TMEM260: variants seen among roughly 807,000 people sequenced by gnomAD.
The protein encoded by TMEM260 is transmembrane protein 260, also known as protein O-mannosyl-transferase TMEM260.
In TMEM260, 82 loss-of-function variants were observed where a neutral mutation model predicts 88.9. The ratio of observed to expected loss-of-function variants is 0.92; its 90% CI spans 0.77 to 1.11. The LOEUF (loss-of-function observed/expected upper bound fraction) is 1.11, where lower values mean the gene tolerates loss of function less well. TMEM260 is among the 50% of genes least tolerant of loss of function. The pLI is 0.00. For synonymous variants in TMEM260, 314 were observed against 309.3 expected, an observed-to-expected ratio of 1.02 and a Z score of -0.16; for missense variants, 902 against 853.4, an observed-to-expected ratio of 1.06 and a Z score of -0.71.
At chr14:56,627,888 T>G (rs1888337112) in intron 12 of TMEM260, among the ~76,000 whole-genome samples, 1 of 152,230 alleles carries the variant, frequency 6.6e-6, no homozygotes, top group South Asian at 2.1e-4. Flanking sequence ...TAAATTTTCT[T>G]GTGCTGCTCC....
At chr14:56,610,539 G>T (rs1253500396) in intron 6 of TMEM260, among the ~76,000 whole-genome samples, 2 of 152,154 alleles carry the variant, frequency 1.3e-5, no homozygotes, top group African/African-American at 4.8e-5. Context: ...ACCGCGCCCG[G>T]CCAGTGAGGT....
intron 15 of TMEM260, among the ~76,000 whole-genome samples, chr14:56,641,554 C>CA (rs1047369524): frequency 5.3e-5 from 8 of 152,180 alleles, no homozygotes; most frequent in Non-Finnish European, 7.3e-5. Context: ...CCAGCCACTG[C>CA]AAAAACATGC....
In TMEM260 at chr14:56,585,851, A is replaced by C; in HGVS notation, c.283A>C (p.Asn95His). 3 of 1,613,296 alleles carry C rather than the reference A, an allele frequency of 1.9e-6. No homozygotes were observed. The highest frequency in any genetic ancestry group is 2.2e-5 in the East Asian group (1 of 44,852). The part of the protein sequence containing the change: ...FPFGSIAYRV[N>H]LLCGLFGAVA... Reference sequence around the variant, plus strand: ...TTTTGGTTCAATTGCCTACCGCGTCAATCTTCTCTGTGGCTTATTTGGAGC... The same window carrying C: ...TTTTGGTTCAATTGCCTACCGCGTCCATCTTCTCTGTGGCTTATTTGGAGC... The change falls in exon 3 of 16, where the codon AAT becomes CAT. Residue 95 changes from asparagine (N) to histidine (H), a missense_variant. By Grantham distance (68) the Asn-to-His change is moderately conservative (BLOSUM62 1). Coordinates refer to ENST00000261556, the MANE Select transcript of TMEM260 (RefSeq NM_017799.4).
Position 56,636,469 on chromosome 14 carries a change from CTG to C in TMEM260, c.1779-37_1779-36del, listed in dbSNP as rs767440072. On this transcript the variant is annotated intron_variant, in intron 14 of 15. Coordinates refer to ENST00000261556, the MANE Select transcript of TMEM260 (RefSeq NM_017799.4). Reference sequence around the variant, plus strand: ...TAGCTAGCCCTGAATGTGCAATTGACTGTATGATTTTAATGAAGGTTCCTATC... The same window carrying C: ...TAGCTAGCCCTGAATGTGCAATTGACTATGATTTTAATGAAGGTTCCTATC... 2.5e-5 allele frequency: 38 copies of C among 1,526,906 alleles called. No individual in the cohort carries two copies. The South Asian group carries it at 3.7e-4, about 15-fold the overall frequency. The allele number at this position is 1,526,906 out of a possible 1,614,324, so 94.6% of individuals were successfully genotyped here. A position where few individuals can be genotyped will look rare whatever the true frequency, so the allele number is the denominator to read the frequency against.
intron 5 of TMEM260, among the ~76,000 whole-genome samples, chr14:56,606,528 C>T (rs1490926221): frequency 6.6e-6 from 1 of 152,190 alleles, no homozygotes; most frequent in Non-Finnish European, 1.5e-5. Context: ...CATTTTGCTT[C>T]TTAGCTTCTT....
intron 8 of TMEM260, among the ~76,000 whole-genome samples, chr14:56,616,586 A>G (rs1235548459): frequency 6.6e-6 from 1 of 152,008 alleles, no homozygotes; most frequent in Non-Finnish European, 1.5e-5. Context: ...ACCACAGGAG[A>G]ATTAATTTAA....
At position 56,648,363 on chromosome 14, in the gene TMEM260, T is replaced by C. The variant is rs1890094307; in HGVS notation, c.*866T>C. The C allele has an allele frequency of 6.6e-6, 1 of 152,636 alleles. No individual in the cohort carries two copies. Among genetic ancestry groups the C allele is most frequent in the Middle Eastern group, 3.2e-3 (1 of 316 alleles). 9.5% of individuals were successfully genotyped at this position (152,636 alleles called of 1,614,324 possible). ...AGAACATAGTAAGAAATGCAAATAA[T>C]AGTTCTTTATTTTATTATGACAGTT... On this transcript the variant is annotated 3_prime_UTR_variant, in exon 16 of 16. Transcript: ENST00000261556.
chr14:56,654,761 C>T (rs371954939), downstream of TMEM260, among the ~76,000 whole-genome samples: 5 of 134,640 alleles, frequency 3.7e-5, no homozygotes, highest in African/African-American at 1.4e-4. Context: ...TTGCAGTGAG[C>T]CAAGATCGCG....
intron 3 of TMEM260, among the ~76,000 whole-genome samples, chr14:56,598,153 T>C (rs774772079): frequency 1.5e-4 from 23 of 151,682 alleles, no homozygotes; most frequent in Non-Finnish European, 2.1e-4. Flanking sequence ...CTAGAGTGTG[T>C]AGAGTGAGAA....
downstream of TMEM260, among the ~76,000 whole-genome samples, chr14:56,653,737 AAAAC>A (rs1439723152): frequency 9.5e-5 from 8 of 83,978 alleles, no homozygotes; most frequent in Admixed American, 2.3e-4. Flanking sequence ...TCTTGTCTCC[AAAAC>A]AAAAAAAAAA....
At chr14:56,616,772 A>G (rs1000077251) in intron 8 of TMEM260, among the ~76,000 whole-genome samples, 1 of 152,098 alleles carries the variant, frequency 6.6e-6, no homozygotes, top group African/African-American at 2.4e-5. Flanking sequence ...GGCTTCCGAT[A>G]TAGATATTAT....
intron 15 of TMEM260, among the ~76,000 whole-genome samples, chr14:56,640,422 T>C (rs1889493141): frequency 6.6e-6 from 1 of 152,168 alleles, no homozygotes; most frequent in Admixed American, 6.5e-5. Context: ...CCAAAAGACC[T>C]GCAGCTGAGG....
chr14:56,580,002 G>C lies in TMEM260; in HGVS notation c.88G>C (p.Val30Leu), dbSNP rs1885000768. The change falls in exon 1 of 16, where the codon GTG becomes CTG. Residue 30 changes from valine (V) to leucine (L), a missense_variant. Transcript: ENST00000261556. ...LRRSGGIRGG[V>L]AVFAAVAAVF... ...GCGCTCCGGGGGCATCCGCGGCGGC[G>C]TGGCGGTGTTCGCCGCCGTGGCCGC... 2 of 1,246,850 alleles carry C rather than the reference G, an allele frequency of 1.6e-6. No individual in the cohort carries two copies. Among genetic ancestry groups the C allele is most frequent in the Non-Finnish European group, 2.0e-6 (2 of 989,154 alleles). 77.2% of individuals were successfully genotyped at this position (1,246,850 alleles called of 1,614,324 possible).
intron 1 of TMEM260, among the ~76,000 whole-genome samples, chr14:56,580,908 G>A (rs918063125): frequency 1.4e-4 from 22 of 152,180 alleles, no homozygotes; most frequent in Admixed American, 1.4e-3. Flanking sequence ...TGCATGACTA[G>A]TGATCCCCAA....
At chr14:56,595,063 AG>A (rs1886121669) in intron 3 of TMEM260, among the ~76,000 whole-genome samples, 1 of 152,214 alleles carries the variant, frequency 6.6e-6, no homozygotes, top group African/African-American at 2.4e-5. Flanking sequence ...GTGATCAAAA[AG>A]GATAGTGGAT....
chr14:56,656,762 T>C, the TMEM260 span, among the ~76,000 whole-genome samples: 5 of 152,132 alleles, frequency 3.3e-5, no homozygotes, highest in African/African-American at 1.2e-4. Context: ...ATTATAAATA[T>C]AAAAACGTTA....
chr14:56,599,869 T>C (rs1054551665), intron 3 of TMEM260, among the ~76,000 whole-genome samples: 4 of 152,216 alleles, frequency 2.6e-5, no homozygotes, highest in Non-Finnish European at 5.9e-5. Flanking sequence ...TAGAGAATGT[T>C]AGAATCTATT....
intron 3 of TMEM260, among the ~76,000 whole-genome samples, chr14:56,600,159 T>C (rs1441240375): frequency 1.3e-5 from 2 of 152,190 alleles, no homozygotes; most frequent in Non-Finnish European, 2.9e-5. Context: ...TTATCACATA[T>C]AGATTATTGT....
At chr14:56,626,944 T>TA (rs1406734858) in intron 12 of TMEM260, among the ~76,000 whole-genome samples, 1 of 152,162 alleles carries the variant, frequency 6.6e-6, no homozygotes, top group Admixed American at 6.6e-5. Flanking sequence ...TATTCATACA[T>TA]ACTGTATTAT....
Sources: gnomAD v4.1 joint callset for allele counts (sites outside exome capture counted in the v4.1 genomes callset) on GRCh38, gnomAD v4.1.1 for gene constraint, MANE v1.5 for transcripts, NCBI Gene and HGNC (gene_info 2026-07-23, HGNC 2026-07-21) for gene names.